ARHGAP17: variants seen among roughly 807,000 people sequenced by gnomAD.
The protein encoded by ARHGAP17 is Rho GTPase activating protein 17.
A neutral mutation model predicts 99.5 loss-of-function variants in ARHGAP17; 57 were observed. The ratio of observed to expected loss-of-function variants is 0.57; its 90% CI spans 0.46 to 0.71. The LOEUF is 0.71. Among genes scored for constraint, ARHGAP17 ranks in the 30% least tolerant of loss-of-function variants. The pLI is 0.00. For synonymous variants in ARHGAP17, 417 were observed against 429.6 expected (o/e 0.97, Z 0.36); for missense variants, 1,000 against 1,122.4 (o/e 0.89, Z 1.56).
intron 12 of ARHGAP17, among the ~76,000 whole-genome samples, chr16:24,950,308 C>T (rs1270922110): frequency 1.3e-5 from 2 of 152,104 alleles, no homozygotes; most frequent in Non-Finnish European, 2.9e-5. Context: ...TTGTAATAAA[C>T]AAGGAAATCT....
At chr16:24,985,349 A>C (rs1172450008) in intron 1 of ARHGAP17, among the ~76,000 whole-genome samples, 1 of 152,230 alleles carries the variant, frequency 6.6e-6, no homozygotes, top group Non-Finnish European at 1.5e-5. Flanking sequence ...AGCACTTCCA[A>C]CCAGGTCTCC....
In ARHGAP17 at chr16:24,942,146, G is replaced by A; in HGVS notation, c.1334-3C>T. The A allele has an allele frequency of 1.2e-6, 2 of 1,603,276 alleles. No individual in the cohort carries two copies. Among genetic ancestry groups the A allele is most frequent in the Non-Finnish European group, 1.7e-6 (2 of 1,174,222 alleles). On this transcript the variant is annotated splice_region_variant and splice_polypyrimidine_tract_variant and intron_variant, in intron 15 of 19. Transcript: ENST00000289968. ...TTCTGATACATTAAATTCCACCTCTGCAAGAGGAAAAATAAACAAGTGCAT... is the reference window on the plus strand; with the variant it reads ...TTCTGATACATTAAATTCCACCTCTACAAGAGGAAAAATAAACAAGTGCAT...
At chr16:24,934,996 C>A (rs552812726) in intron 18 of ARHGAP17, among the ~76,000 whole-genome samples, 2 of 152,142 alleles carry the variant, frequency 1.3e-5, no homozygotes, top group Admixed American at 6.5e-5. Context: ...AACCAAGAGA[C>A]GACATGATCT....
chr16:24,937,125 A>AC (rs925994107), intron 17 of ARHGAP17, among the ~76,000 whole-genome samples: 6 of 146,808 alleles, frequency 4.1e-5, no homozygotes, highest in African/African-American at 1.6e-4. Context: ...TGAAAAAAAA[A>AC]AAACAACAAA....
At chr16:24,965,334 G>A (rs2052145562) in intron 6 of ARHGAP17, among the ~76,000 whole-genome samples, 3 of 152,188 alleles carry the variant, frequency 2.0e-5, no homozygotes, top group Admixed American at 2.0e-4. Context: ...GCTGGGCGTG[G>A]TGGCAGGCGC....
At chr16:24,932,241 A>G (rs1463669002) in intron 18 of ARHGAP17, among the ~76,000 whole-genome samples, 3 of 152,224 alleles carry the variant, frequency 2.0e-5, no homozygotes, top group African/African-American at 7.2e-5. Context: ...GGGAACTCTC[A>G]GCATTATCTT....
At chr16:24,983,726 C>T (rs963555758) in intron 1 of ARHGAP17, among the ~76,000 whole-genome samples, 3 of 152,306 alleles carry the variant, frequency 2.0e-5, no homozygotes, top group Middle Eastern at 3.4e-3. Context: ...TGTTTCCTGT[C>T]TGCAACTGGA....
At chr16:25,007,816 C>T (rs577375483) in intron 1 of ARHGAP17, among the ~76,000 whole-genome samples, 107 of 152,272 alleles carry the variant, frequency 7.0e-4, no homozygotes, top group African/African-American at 2.5e-3. Flanking sequence ...CAAGAAACTT[C>T]ACATGAAAAT....
chr16:24,961,772 G>T (rs1277462715), intron 7 of ARHGAP17, among the ~76,000 whole-genome samples: 2 of 150,752 alleles, frequency 1.3e-5, no homozygotes, highest in Non-Finnish European at 3.0e-5. Context: ...GACCTCAAGT[G>T]ATCCTCCCAT....
In ARHGAP17 at chr16:24,964,209, T is replaced by C; in HGVS notation, c.561A>G (p.Val187=). The change falls in exon 7 of 20, where the codon GTA becomes GTG. Residue 187 remains valine, a synonymous_variant. Coordinates refer to ENST00000289968, the MANE Select transcript of ARHGAP17 (RefSeq NM_001006634.3). Reference sequence around the variant, plus strand: ...GGAATTCTCATACCTTGCACTGTTCTACTTTATTTCCAGCTTCATCCATCT... The same window carrying C: ...GGAATTCTCATACCTTGCACTGTTCCACTTTATTTCCAGCTTCATCCATCT... ...KEEMDEAGNK[V]EQCKDQLAAD... 2 of 1,611,102 alleles carry C rather than the reference T, an allele frequency of 1.2e-6. No homozygotes were observed. The highest frequency in any genetic ancestry group is 1.7e-5 in the Admixed American group (1 of 59,656).
intron 18 of ARHGAP17, among the ~76,000 whole-genome samples, chr16:24,935,071 G>A (rs777788993): frequency 1.3e-5 from 2 of 152,156 alleles, no homozygotes; most frequent in Non-Finnish European, 2.9e-5. Context: ...ACAGGTGGGA[G>A]CAGTTCAGAT....
chr16:24,938,559 T>A (rs1435205292), intron 17 of ARHGAP17, among the ~76,000 whole-genome samples: 7 of 151,104 alleles, frequency 4.6e-5, no homozygotes, highest in African/African-American at 1.7e-4. Context: ...AGGCCAGGAG[T>A]TCGAGATCAG....
At chr16:24,993,799 G>T (rs970732548) in intron 1 of ARHGAP17, among the ~76,000 whole-genome samples, 1 of 152,052 alleles carries the variant, frequency 6.6e-6, no homozygotes, top group African/African-American at 2.4e-5. Context: ...CCCTAACTCC[G>T]CCACAAACTA....
At chr16:24,961,518 A>ATTTTTTTTTT (rs1171754361) in intron 7 of ARHGAP17, among the ~76,000 whole-genome samples, 2 of 81,502 alleles carry the variant, frequency 2.5e-5, no homozygotes, top group Non-Finnish European at 4.6e-5. Flanking sequence ...AAAAAAAAAA[A>ATTTTTTTTTT]TTTTTTTTTT....
At chr16:24,934,746 C>T (rs2051087910) in intron 18 of ARHGAP17, among the ~76,000 whole-genome samples, 1 of 152,152 alleles carries the variant, frequency 6.6e-6, no homozygotes, top group Non-Finnish European at 1.5e-5. Context: ...TGTGAGCCAC[C>T]ACGCCCAGCT....
intron 1 of ARHGAP17, among the ~76,000 whole-genome samples, chr16:25,006,054 G>A (rs768714994): frequency 9.9e-5 from 15 of 152,024 alleles, no homozygotes; most frequent in South Asian, 4.2e-4. Flanking sequence ...AATGGTGACC[G>A]ACCATGTCAA....
chr16:24,975,840 T>C (rs1223968497), intron 3 of ARHGAP17, among the ~76,000 whole-genome samples: 1 of 152,190 alleles, frequency 6.6e-6, no homozygotes, highest in Non-Finnish European at 1.5e-5. Flanking sequence ...AACTCCCTCA[T>C]GAACAAAGGC....
chr16:25,000,285 G>C (rs186099069), intron 1 of ARHGAP17, among the ~76,000 whole-genome samples: 35 of 152,136 alleles, frequency 2.3e-4, no homozygotes, highest in Non-Finnish European at 4.4e-4. Context: ...TCTGCTTTGT[G>C]GGGGAAAGGC....
chr16:25,007,937 T>C (rs2053550517), intron 1 of ARHGAP17, among the ~76,000 whole-genome samples: 1 of 152,118 alleles, frequency 6.6e-6, no homozygotes, highest in Non-Finnish European at 1.5e-5. Context: ...TGAATGAACA[T>C]GTATTCACCA....
Sources: allele counts gnomAD v4.1 joint callset (sites outside exome capture counted in the v4.1 genomes callset), GRCh38; gene constraint gnomAD v4.1.1; transcripts MANE v1.5; gene names NCBI Gene and HGNC (gene_info 2026-07-23, HGNC 2026-07-21).